Variants in STXBP4 observed in about 807,000 individuals in gnomAD.
The protein encoded by STXBP4 is syntaxin-binding protein 4.
STXBP4 carries 55 observed loss-of-function variants against 76.1 expected under a neutral mutation model. The observed-to-expected ratio is 0.72, with a 90% CI of 0.58 to 0.91. The LOEUF (loss-of-function observed/expected upper bound fraction) is 0.91, where lower values mean the gene tolerates loss of function less well. STXBP4 is among the 40% of genes least tolerant of loss of function. The probability of loss-of-function intolerance (pLI) is 0.00; values close to 1 mark genes in which losing one functional copy is unlikely to be tolerated. For synonymous variants in STXBP4, 201 were observed against 220.2 expected (o/e 0.91, Z 0.77); for missense variants, 618 against 636.9 (o/e 0.97, Z 0.32).
intron 16 of STXBP4, among the ~76,000 whole-genome samples, chr17:55,095,953 T>G (rs1238483993): frequency 6.6e-6 from 1 of 152,142 alleles, no homozygotes; most frequent in Non-Finnish European, 1.5e-5. Flanking sequence ...TTTTTCTCTT[T>G]TAAAGTATAT....
At chr17:55,153,398 C>T (rs917130050) in intron 17 of STXBP4, among the ~76,000 whole-genome samples, 1 of 152,144 alleles carries the variant, frequency 6.6e-6, no homozygotes, top group Non-Finnish European at 1.5e-5. Context: ...TACTTCAAGA[C>T]ATTAGAGATG....
At chr17:54,984,517 G>A (rs1280027884) in intron 1 of STXBP4, among the ~76,000 whole-genome samples, 1 of 151,200 alleles carries the variant, frequency 6.6e-6, no homozygotes, top group Non-Finnish European at 1.5e-5. Context: ...AATTTTTTTT[G>A]TATTTTTAGT....
chr17:55,127,849 G>A (rs1051716556), intron 16 of STXBP4, among the ~76,000 whole-genome samples: 18 of 152,018 alleles, frequency 1.2e-4, no homozygotes, highest in Non-Finnish European at 2.4e-4. Flanking sequence ...TTAATTTAAA[G>A]GACAAAGATA....
At chr17:55,153,655 TA>T (rs2080240600) in intron 17 of STXBP4, among the ~76,000 whole-genome samples, 1 of 152,282 alleles carries the variant, frequency 6.6e-6, no homozygotes, top group African/African-American at 2.4e-5. Flanking sequence ...TTTTGTTGAT[TA>T]AATTAAGTGA....
chr17:55,081,442 A>G (rs1378892260), intron 16 of STXBP4, among the ~76,000 whole-genome samples: 1 of 152,206 alleles, frequency 6.6e-6, no homozygotes, highest in Non-Finnish European at 1.5e-5. Flanking sequence ...GTAAAAATCA[A>G]TCCGCAGCAG....
At chr17:55,201,673 A>AACT in the STXBP4 span, among the ~76,000 whole-genome samples, 1 of 152,246 alleles carries the variant, frequency 6.6e-6, no homozygotes, top group Non-Finnish European at 1.5e-5. Context: ...CTAAGGTCGT[A>AACT]GCAAAGGAAA....
chr17:55,154,453 A>G (rs576635170), intron 17 of STXBP4, among the ~76,000 whole-genome samples: 54 of 152,156 alleles, frequency 3.5e-4, no homozygotes, highest in Non-Finnish European at 7.4e-4. Context: ...CAACTATACA[A>G]TCCTATATAA....
chr17:55,171,327 C>T lies in STXBP4; in HGVS notation c.*11416C>T, dbSNP rs1418528380. 5 of 152,164 alleles carry T rather than the reference C, an allele frequency of 3.3e-5. No individual in the cohort carries two copies. Among genetic ancestry groups the T allele is most frequent in the African/African-American group, 1.2e-4 (5 of 41,440 alleles). The allele number at this position is 152,164 out of a possible 1,614,324, so 9.4% of individuals were successfully genotyped here. A position where few individuals can be genotyped will look rare whatever the true frequency, so the allele number is the denominator to read the frequency against. ...CCAACCACCTTTCAAATGAAAGAAT[C>T]CTTCCAAAGCACCCCTGGCCAATAG... On this transcript the variant is annotated 3_prime_UTR_variant, in exon 18 of 18. Transcript: ENST00000376352.
chr17:55,172,771 T>C lies in STXBP4; in HGVS notation c.*12860T>C, dbSNP rs1196742274. ...CTTCCCTGAGTCATGTTAGAGTAACTAACTCCTGATTTGTAAACTGAAGGT... is the reference window on the plus strand; with the variant it reads ...CTTCCCTGAGTCATGTTAGAGTAACCAACTCCTGATTTGTAAACTGAAGGT... On this transcript the variant is annotated 3_prime_UTR_variant, in exon 18 of 18. Transcript: ENST00000376352. 6.6e-6 allele frequency: 1 copy of C among 152,190 alleles called. No individual in the cohort carries two copies. Among genetic ancestry groups the C allele is most frequent in the Non-Finnish European group, 1.5e-5 (1 of 68,028 alleles). The allele number at this position is 152,190 out of a possible 1,614,324, so 9.4% of individuals were successfully genotyped here.
intron 12 of STXBP4, among the ~76,000 whole-genome samples, chr17:55,061,185 A>G (rs2078989829): frequency 6.6e-6 from 1 of 152,226 alleles, no homozygotes; most frequent in African/African-American, 2.4e-5. Flanking sequence ...CATGTGAGCT[A>G]TCTTAGTTTT....
intron 8 of STXBP4, among the ~76,000 whole-genome samples, chr17:55,024,666 AGCATTAT>A (rs921680467): frequency 5.3e-5 from 8 of 152,226 alleles, no homozygotes; most frequent in African/African-American, 1.9e-4. Flanking sequence ...AGAATATATC[AGCATTAT>A]TTCAAAGAAT....
chr17:55,114,617 T>C (rs1250909952), intron 16 of STXBP4, among the ~76,000 whole-genome samples: 1 of 152,052 alleles, frequency 6.6e-6, no homozygotes, highest in Non-Finnish European at 1.5e-5. Flanking sequence ...GAAAACAGTT[T>C]CTTCTTTTGT....
At chr17:55,072,788 T>C (rs1474831205) in intron 12 of STXBP4, 112 bp from the exon 13 acceptor site, 2 of 721,386 alleles carry the variant, frequency 2.8e-6, no homozygotes, top group Non-Finnish European at 2.1e-6. Flanking sequence ...AAATAATATA[T>C]GTATATTGAC....
the STXBP4 span, among the ~76,000 whole-genome samples, chr17:55,194,101 A>C: frequency 6.6e-6 from 1 of 152,064 alleles, no homozygotes; most frequent in Non-Finnish European, 1.5e-5. Flanking sequence ...GCCTGCATTC[A>C]ATCCTAATAA....
At chr17:55,151,293 ACT>A (rs1312052639) in intron 17 of STXBP4, among the ~76,000 whole-genome samples, 1 of 152,136 alleles carries the variant, frequency 6.6e-6, no homozygotes, top group Non-Finnish European at 1.5e-5. Context: ...GGGCTTTGAT[ACT>A]CTGAGCCTCA....
intron 16 of STXBP4, among the ~76,000 whole-genome samples, chr17:55,097,424 G>A (rs1047052927): frequency 1.3e-5 from 2 of 152,122 alleles, no homozygotes; most frequent in African/African-American, 4.8e-5. Context: ...AGCACTTTGG[G>A]GGGCCAAGGC....
intron 16 of STXBP4, among the ~76,000 whole-genome samples, chr17:55,109,891 G>A (rs2079692283): frequency 6.6e-6 from 1 of 152,048 alleles, no homozygotes; most frequent in Non-Finnish European, 1.5e-5. Flanking sequence ...CACCAGTCTT[G>A]GCCTCTCAAA....
intron 1 of STXBP4, among the ~76,000 whole-genome samples, chr17:54,971,306 G>T (rs535714745): frequency 6.6e-6 from 1 of 152,146 alleles, no homozygotes; most frequent in African/African-American, 2.4e-5. Flanking sequence ...CCACAGACTG[G>T]TTGCTTAAAC....
rs3080154 is a variant in STXBP4, at chr17:55,011,508, C to CTTTTTTTTTTTTTTTTTTT, written c.666+3928_666+3929insTTTTTTTTTTTTTTTTTTT. Among the ~76,000 whole-genome samples, 23 of 85,916 alleles carry CTTTTTTTTTTTTTTTTTTT rather than the reference C, an allele frequency of 2.7e-4. 3 individuals are homozygous for CTTTTTTTTTTTTTTTTTTT. Among genetic ancestry groups the CTTTTTTTTTTTTTTTTTTT allele is most frequent in the East Asian group, 8.3e-4 (2 of 2,406 alleles). The allele number at this position is 85,916 out of a possible 152,430, so 56.4% of individuals were successfully genotyped here. A position where few individuals can be genotyped will look rare whatever the true frequency, so the allele number is the denominator to read the frequency against. ...GGATCAAAGAGTTTATTTTCTTTTT[C>CTTTTTTTTTTTTTTTTTTT]TTTTTTTTTTTTTTTTTGCAGTTGC... On this transcript the variant is annotated intron_variant, in intron 8 of 17. Coordinates refer to ENST00000376352, the MANE Select transcript of STXBP4 (RefSeq NM_178509.6).
Sources: gnomAD v4.1 joint callset for allele counts (sites outside exome capture counted in the v4.1 genomes callset) on GRCh38, gnomAD v4.1.1 for gene constraint, MANE v1.5 for transcripts, NCBI Gene and HGNC (gene_info 2026-07-23, HGNC 2026-07-21) for gene names.